TRPM1: variants seen among roughly 807,000 people sequenced by gnomAD.
The protein encoded by TRPM1 is TRPM1-203 APA Isoform, Intron 10.
Under a neutral mutation model 149.4 loss-of-function variants are expected in TRPM1, and 113 were observed. That is an observed-to-expected ratio of 0.76 (90% confidence interval 0.65 to 0.88). TRPM1 has a LOEUF of 0.88. Ranked by LOEUF, TRPM1 falls within the 40% of genes least tolerant of loss-of-function variation. TRPM1 has a pLI of 0.00. For synonymous variants in TRPM1, 741 were observed against 759.5 expected, an observed-to-expected ratio of 0.98 and a Z score of 0.40; for missense variants, 1,976 against 2,038.7, an observed-to-expected ratio of 0.97 and a Z score of 0.59.
chr15:31,032,150 A>G (rs1047871320), intron 22 of TRPM1, among the ~76,000 whole-genome samples: 1 of 151,732 alleles, frequency 6.6e-6, no homozygotes, highest in Admixed American at 6.6e-5. Flanking sequence ...TGAGACATCT[A>G]TTTTGCTACT....
rs2032737520 is a variant in TRPM1, at chr15:31,026,209, C to G, written c.3559G>C (p.Glu1187Gln). The G allele has an allele frequency of 6.2e-7, 1 of 1,612,668 alleles. No individual in the cohort carries two copies. Among genetic ancestry groups the G allele is most frequent in the South Asian group, 1.1e-5 (1 of 91,084 alleles). The change falls in exon 27 of 28, where the codon GAG (glutamate) becomes CAG (glutamine). Residue 1187 changes from glutamate (E) to glutamine (Q), a missense_variant. Around this residue, in one of 3 missense-constraint regions of TRPM1, gnomAD observed 572 missense variants for 578.9 expected, o/e 0.99. Coordinates refer to ENST00000256552, the MANE Select transcript of TRPM1 (RefSeq NM_001252024.2). ...LHEFEEQCVQ[E>Q]HFREKEDEQQ... ...TCATCCTCCTTCTCCCGGAAGTGCTCCTGCACGCACTGCTCCTCGAACTCA... is the reference window on the plus strand; with the variant it reads ...TCATCCTCCTTCTCCCGGAAGTGCTGCTGCACGCACTGCTCCTCGAACTCA...
intron 1 of TRPM1, among the ~76,000 whole-genome samples, chr15:31,082,082 G>C (rs147475617): frequency 6.6e-6 from 1 of 152,126 alleles, no homozygotes; most frequent in Admixed American, 6.5e-5. Flanking sequence ...TCAGTGCAAC[G>C]ATAACGCCAC....
chr15:31,090,310 C>T (rs2035200163), intron 1 of TRPM1, among the ~76,000 whole-genome samples: 1 of 152,162 alleles, frequency 6.6e-6, no homozygotes, highest in African/African-American at 2.4e-5. Flanking sequence ...TTCTTGCTTT[C>T]TAGAAATGAT....
Position 31,050,424 on chromosome 15 carries a change from T to C in TRPM1, c.1422A>G (p.Ile474Met). The C allele has an allele frequency of 6.2e-7, 1 of 1,614,156 alleles. No individual in the cohort carries two copies. The highest frequency in any genetic ancestry group is 8.5e-7 in the Non-Finnish European group (1 of 1,180,010). ...EVEEETDPRK[I>M]ELLNWVNALE... ...TTCCACATACCCAGTTCAGCAGCTC[T>C]ATCTTCCGGGGGTCAGTTTCTTCCT... Residue 474 changes from isoleucine to methionine, a missense_variant, in exon 12 of 28, where the codon ATA becomes ATG. By Grantham distance (10) the Ile-to-Met change is conservative. Around this residue, in one of 3 missense-constraint regions of TRPM1, gnomAD observed 1,332 missense variants for 1,347.1 expected, o/e 0.99. Coordinates refer to ENST00000256552, the MANE Select transcript of TRPM1 (RefSeq NM_001252024.2).
intron 1 of TRPM1, among the ~76,000 whole-genome samples, chr15:31,127,340 C>A (rs2035964177): frequency 6.6e-6 from 1 of 152,206 alleles, no homozygotes; most frequent in Admixed American, 6.5e-5. Flanking sequence ...TACCAGTCCC[C>A]AGGGGCAGGT....
At chr15:31,041,460 A>G (rs2033615598) in intron 17 of TRPM1, among the ~76,000 whole-genome samples, 1 of 151,982 alleles carries the variant, frequency 6.6e-6, no homozygotes, top group African/African-American at 2.4e-5. Context: ...AGGAGAACCA[A>G]TTTTACCAGA....
At position 31,068,020 on chromosome 15, in the gene TRPM1, G is replaced by T; in HGVS notation, c.352C>A (p.Leu118Ile). The change falls in exon 5 of 28, where the codon CTC becomes ATC. Residue 118 changes from leucine to isoleucine, a missense_variant. By Grantham distance (5) the Leu-to-Ile change is conservative (BLOSUM62 2). Coordinates refer to ENST00000256552, the MANE Select transcript of TRPM1 (RefSeq NM_001252024.2). ...TGCACAGATATTAAGAGCTTGGGGA[G>T]TTCCAGCTGCCAATCTTTCACCATG... ...HLMVKDWQLE[L>I]PKLLISVHGG... 6.2e-7 allele frequency: 1 copy of T among 1,614,212 alleles called. No individual in the cohort carries two copies. Among genetic ancestry groups the T allele is most frequent in the Non-Finnish European group, 8.5e-7 (1 of 1,180,026 alleles).
Position 31,107,884 on chromosome 15 carries a change from G to A in TRPM1, c.55-30900C>T, listed in dbSNP as rs186066571. Among the ~76,000 whole-genome samples the A allele has an allele frequency of 1.6e-3, 243 of 149,432 alleles. 2 individuals are homozygous for A. In the Middle Eastern group the frequency reaches 0.021, roughly 13 times the overall value. On this transcript the variant is annotated intron_variant, in intron 1 of 26. Coordinates refer to the TRPM1 transcript ENST00000542188. ...TTTTCTTTTTTTTTTTTGAGACTGA[G>A]TCTTGCTCTGTTGCCCAGGCTGGAG...
chr15:31,101,330 C>T (rs1283758586), intron 1 of TRPM1, among the ~76,000 whole-genome samples: 1 of 152,194 alleles, frequency 6.6e-6, no homozygotes, highest in East Asian at 1.9e-4. Context: ...GTACTTATCC[C>T]CTCTGTGAAT....
chr15:31,147,484 A>T lies in TRPM1; in HGVS notation c.54+13422T>A, dbSNP rs1373080546. On this transcript the variant is annotated intron_variant, in intron 1 of 26. Transcript: ENST00000542188. ...CTAGTGAAGAGGCAAGTGCAACGTC[A>T]TCACACTTCACAGATATGGAAACTC... Among the ~76,000 whole-genome samples, 3 of 152,254 alleles carry T rather than the reference A, an allele frequency of 2.0e-5. No homozygotes were observed. In the East Asian group the frequency reaches 5.8e-4, roughly 29 times the overall value.
intron 18 of TRPM1, 124 bp downstream of exon 18, chr15:31,039,994 C>T (rs576512226): frequency 1.2e-5 from 10 of 809,186 alleles, no homozygotes; most frequent in South Asian, 7.2e-5. Flanking sequence ...ATTGTCATGG[C>T]GTCTCCCTCA....
intron 1 of TRPM1, among the ~76,000 whole-genome samples, chr15:31,092,602 A>C (rs1275847073): frequency 6.6e-6 from 1 of 152,218 alleles, no homozygotes; most frequent in Non-Finnish European, 1.5e-5. Context: ...TCGTTGTCTC[A>C]GGAAGTGGAG....
At chr15:31,107,570 C>A (rs2035625950) in intron 1 of TRPM1, among the ~76,000 whole-genome samples, 1 of 151,850 alleles carries the variant, frequency 6.6e-6, no homozygotes, top group Non-Finnish European at 1.5e-5. Flanking sequence ...TATTTCCACG[C>A]TAGTCTTATT....
At chr15:31,069,414 T>A in intron 4 of TRPM1, 1 of 998,086 alleles carries the variant, frequency 1.0e-6, no homozygotes. Context: ...AAATTTTATT[T>A]TAACAATGAT....
chr15:31,003,301 T>C (rs1375793177), intron 27 of TRPM1, among the ~76,000 whole-genome samples: 1 of 152,256 alleles, frequency 6.6e-6, no homozygotes, highest in East Asian at 1.9e-4. Context: ...TGCTCAGTCA[T>C]TGTTCTAAGA....
At chr15:31,139,388 G>A (rs187920244) in intron 1 of TRPM1, among the ~76,000 whole-genome samples, 130 of 152,262 alleles carry the variant, frequency 8.5e-4, no homozygotes, top group African/African-American at 3.0e-3. Context: ...GACATTAATA[G>A]TCTAAACAGG....
intron 16 of TRPM1, among the ~76,000 whole-genome samples, chr15:31,044,425 A>G (rs1002455436): frequency 6.6e-6 from 1 of 152,192 alleles, no homozygotes; most frequent in Non-Finnish European, 1.5e-5. Context: ...AAATACCAGT[A>G]AAATATGTAG....
At chr15:31,069,807 T>C in intron 4 of TRPM1, 2 of 1,483,282 alleles carry the variant, frequency 1.3e-6, no homozygotes, top group East Asian at 2.4e-5. Flanking sequence ...AGCTTTGGTA[T>C]GGATTTACGG....
chr15:31,033,072 C>G, intron 21 of TRPM1, 132 bp from the exon 22 acceptor site: 10 of 1,229,262 alleles, frequency 8.1e-6, no homozygotes, highest in Non-Finnish European at 1.2e-5. Flanking sequence ...CGTTTAAACA[C>G]TCTTCTTCTC....
Sources: allele counts gnomAD v4.1 joint callset (sites outside exome capture counted in the v4.1 genomes callset), GRCh38; gene constraint gnomAD v4.1.1; regional missense constraint gnomAD v4.1.1; transcripts MANE v1.5; gene names NCBI Gene and HGNC (gene_info 2026-07-23, HGNC 2026-07-21).